The following GABRB3 variants were observed in gnomAD, a reference collection of about 807,000 sequenced individuals.
GABRB3 encodes the protein gamma-aminobutyric acid type A receptor subunit beta3.
GABRB3 carries 14 observed loss-of-function variants against 52.1 expected under a neutral mutation model. The ratio of observed to expected loss-of-function variants is 0.27; its 90% CI spans 0.18 to 0.42. The LOEUF is 0.42. Among genes scored for constraint, GABRB3 ranks in the 10% least tolerant of loss-of-function variants. GABRB3 has a pLI of 1.00. For missense variants in GABRB3, 307 were observed against 609.1 expected, an observed-to-expected ratio of 0.50 and a Z score of 5.22; for synonymous variants, 260 against 232.3, an observed-to-expected ratio of 1.12 and a Z score of -1.08.
In GABRB3 at chr15:26,615,417, T is replaced by C. The variant is rs115552212; in HGVS notation, c.461+5897A>G. The C allele has an allele frequency of 8.7e-4, 859 of 986,148 alleles. 4 individuals are homozygous for C. The African/African-American group carries it at 0.014, about 16-fold the overall frequency. The allele number at this position is 986,148 out of a possible 1,614,324, so 61.1% of individuals were successfully genotyped here. On this transcript the variant is annotated intron_variant, in intron 4 of 8. Transcript: ENST00000311550. ...AGTTCACCGTCATATTCAGCTGAGC[T>C]CAAGCTGGTAAGAAGAGCAAGCTAG...
intron 3 of GABRB3, among the ~76,000 whole-genome samples, chr15:26,639,720 C>T (rs2140569939): frequency 6.6e-6 from 1 of 152,326 alleles, no homozygotes; most frequent in African/African-American, 2.4e-5. Context: ...ATATAGAAAT[C>T]CCTTGCTCTT....
intron 3 of GABRB3, among the ~76,000 whole-genome samples, chr15:26,727,617 G>A (rs1048784032): frequency 6.6e-6 from 1 of 152,136 alleles, no homozygotes; most frequent in Non-Finnish European, 1.5e-5. Flanking sequence ...TCAGTTTATT[G>A]GAGGATATTA....
At chr15:26,681,284 A>G (rs1428346034) in intron 3 of GABRB3, among the ~76,000 whole-genome samples, 2 of 152,184 alleles carry the variant, frequency 1.3e-5, no homozygotes, top group Non-Finnish European at 2.9e-5. Context: ...TTCCTCAGGG[A>G]GAAAATCAAT....
At chr15:26,623,114 C>A (rs530679983) in intron 3 of GABRB3, among the ~76,000 whole-genome samples, 1 of 152,270 alleles carries the variant, frequency 6.6e-6, no homozygotes, top group African/African-American at 2.4e-5. Context: ...CTAAAGATAA[C>A]CCTCGGCTAG....
At chr15:26,634,162 T>C (rs1892980926) in intron 3 of GABRB3, among the ~76,000 whole-genome samples, 1 of 152,200 alleles carries the variant, frequency 6.6e-6, no homozygotes, top group Non-Finnish European at 1.5e-5. Flanking sequence ...CTGATCAGCC[T>C]CTGGGTCTTC....
chr15:26,567,936 T>C (rs566145874), intron 6 of GABRB3, among the ~76,000 whole-genome samples: 2 of 152,342 alleles, frequency 1.3e-5, no homozygotes, highest in South Asian at 2.1e-4. Flanking sequence ...ATTTATAAGA[T>C]AGTGATGAGG....
chr15:26,554,173 A>ATATATAT (rs1491240523), intron 8 of GABRB3, among the ~76,000 whole-genome samples: 3 of 31,392 alleles, frequency 9.6e-5, no homozygotes, highest in East Asian at 5.8e-3. Context: ...ATATATATAT[A>ATATATAT]AAGTATATAT....
chr15:26,662,726 T>A (rs939329457), intron 3 of GABRB3, among the ~76,000 whole-genome samples: 4 of 152,052 alleles, frequency 2.6e-5, no homozygotes, highest in African/African-American at 9.7e-5. Context: ...CAGGGCAGTG[T>A]CATTACAACC....
At position 26,560,986 on chromosome 15, in the gene GABRB3, A is replaced by G; in HGVS notation, c.1026T>C (p.Leu342=). The G allele has an allele frequency of 6.2e-7, 1 of 1,614,206 alleles. No individual in the cohort carries two copies. Among genetic ancestry groups the G allele is most frequent in the African/African-American group, 1.3e-5 (1 of 75,058 alleles). ...FGRGPQRQKK[L]AEKTAKAKND... ...TCTTTGCCTTGGCTGTCTTTTCTGCAAGCTTCTTCTGCCTTTGAGGGCCTC... is the reference window on the plus strand; with the variant it reads ...TCTTTGCCTTGGCTGTCTTTTCTGCGAGCTTCTTCTGCCTTTGAGGGCCTC... The change falls in exon 8 of 9, where the codon CTT becomes CTC. Residue 342 remains leucine, a synonymous_variant. Coordinates refer to ENST00000311550, the MANE Select transcript of GABRB3 (RefSeq NM_000814.6).
In GABRB3 at chr15:26,582,213, G is replaced by A. The variant is rs112347758; in HGVS notation, c.544+1119C>T. ...TACACCACTGCCCATACACCACAGC[G>A]GCAGAGTCCTCTCTCTCAGGAGTCA... On this transcript the variant is annotated intron_variant, in intron 5 of 8. Coordinates refer to ENST00000311550, the MANE Select transcript of GABRB3 (RefSeq NM_000814.6). Among the ~76,000 whole-genome samples, 464 of 152,216 alleles carry A rather than the reference G, an allele frequency of 3.0e-3. 2 individuals are homozygous for A. The highest frequency in any genetic ancestry group is 0.01 in the African/African-American group (428 of 41,530).
chr15:26,707,674 C>A (rs564751860), intron 3 of GABRB3, among the ~76,000 whole-genome samples: 1 of 152,152 alleles, frequency 6.6e-6, no homozygotes, highest in Non-Finnish European at 1.5e-5. Context: ...GGGTTCACTG[C>A]CCCAGGCTAA....
chr15:26,772,847 C>CCTGCCCG, intron 1 of GABRB3, 36 bp downstream of exon 1: 1 of 1,454,718 alleles, frequency 6.9e-7, no homozygotes, highest in Non-Finnish European at 9.1e-7. Context: ...CACCCCGCGC[C>CCTGCCCG]CTGCCCGCCG....
chr15:26,572,704 G>A (rs2140710776), intron 6 of GABRB3, among the ~76,000 whole-genome samples: 1 of 152,308 alleles, frequency 6.6e-6, no homozygotes, highest in Middle Eastern at 3.4e-3. Flanking sequence ...GCTGCACTAA[G>A]ACATCCCTTT....
intron 4 of GABRB3, among the ~76,000 whole-genome samples, chr15:26,587,052 C>CAA (rs200300174): frequency 1.3e-5 from 2 of 151,926 alleles, no homozygotes; most frequent in Admixed American, 1.3e-4. Context: ...GTTCTTGCCA[C>CAA]AAAAAAATGT....
chr15:26,688,277 G>A (rs1404589658), intron 3 of GABRB3, among the ~76,000 whole-genome samples: 1 of 152,158 alleles, frequency 6.6e-6, no homozygotes, highest in Non-Finnish European at 1.5e-5. Context: ...GGGACAGGAT[G>A]AGCAAATGCC....
chr15:26,707,648 G>A (rs1889147833), intron 3 of GABRB3, among the ~76,000 whole-genome samples: 4 of 152,196 alleles, frequency 2.6e-5, no homozygotes, highest in Admixed American at 2.6e-4. Context: ...ACATTTCCTA[G>A]CTGCAGAGGT....
intron 3 of GABRB3, among the ~76,000 whole-genome samples, chr15:26,680,445 C>G (rs1888203459): frequency 2.6e-5 from 4 of 151,750 alleles, no homozygotes; most frequent in Non-Finnish European, 5.9e-5. Flanking sequence ...CACCCTATAT[C>G]CTACCCTATG....
chr15:26,732,449 T>C (rs768698875), intron 3 of GABRB3, among the ~76,000 whole-genome samples: 16 of 152,194 alleles, frequency 1.1e-4, no homozygotes, highest in Non-Finnish European at 2.4e-4. Flanking sequence ...ACTTCCATCA[T>C]GTTTAAAGAT....
intron 3 of GABRB3, among the ~76,000 whole-genome samples, chr15:26,732,916 T>C (rs1212677647): frequency 6.6e-6 from 1 of 151,988 alleles, no homozygotes; most frequent in Non-Finnish European, 1.5e-5. Context: ...GAGGATTCCT[T>C]GAGCCCGGGA....
Sources: gnomAD v4.1 joint callset for allele counts (sites outside exome capture counted in the v4.1 genomes callset) on GRCh38, gnomAD v4.1.1 for gene constraint, MANE v1.5 for transcripts, NCBI Gene and HGNC (gene_info 2026-07-23, HGNC 2026-07-21) for gene names.